Variants in P2RY6 observed in about 807,000 individuals in gnomAD.
P2RY6 encodes P2Y purinoceptor 6.
Under a neutral mutation model 16.3 loss-of-function variants are expected in P2RY6, and 19 were observed. The ratio of observed to expected loss-of-function variants is 1.16; its 90% CI spans 0.81 to 1.71. The LOEUF (loss-of-function observed/expected upper bound fraction) is 1.71, where lower values mean the gene tolerates loss of function less well. P2RY6 is among the 40% of genes most tolerant of loss of function. The pLI, the probability that P2RY6 is intolerant of heterozygous loss-of-function variation, is 0.00. For synonymous variants in P2RY6, 184 were observed against 201.5 expected (o/e 0.91, Z 0.74); for missense variants, 389 against 455.5 (o/e 0.85, Z 1.33).
chr11:73,292,566 G>A (rs550517285), intron 1 of P2RY6, among the ~76,000 whole-genome samples: 2 of 152,304 alleles, frequency 1.3e-5, no homozygotes, highest in African/African-American at 4.8e-5. Context: ...GGTTCTGTGG[G>A]GCTGGCAGCC....
chr11:73,271,180 T>A (rs975944686), upstream of P2RY6, among the ~76,000 whole-genome samples: 2 of 152,032 alleles, frequency 1.3e-5, no homozygotes, highest in Non-Finnish European at 2.9e-5. Flanking sequence ...TGGGCCCAGG[T>A]AGAGCCGCCC....
chr11:73,296,362 T>C, intron 2 of P2RY6, 123 bp from the exon 3 acceptor site: 1 of 663,800 alleles, frequency 1.5e-6, no homozygotes, highest in Non-Finnish European at 2.5e-6. Flanking sequence ...GTGGTTAGAG[T>C]AGCCGAGTTG....
chr11:73,288,099 T>C (rs543478658), intron 1 of P2RY6, among the ~76,000 whole-genome samples: 46 of 152,364 alleles, frequency 3.0e-4, no homozygotes, highest in African/African-American at 1.0e-3. Context: ...TCACCTCATC[T>C]GTAAAGTGGA....
intron 1 of P2RY6, among the ~76,000 whole-genome samples, chr11:73,293,559 G>A (rs1437131922): frequency 1.3e-5 from 2 of 152,198 alleles, no homozygotes; most frequent in African/African-American, 2.4e-5. Context: ...CCTGGAGGTG[G>A]GAGCCAAGAG....
intron 1 of P2RY6, among the ~76,000 whole-genome samples, chr11:73,285,459 C>T (rs1863932877): frequency 6.6e-6 from 1 of 152,184 alleles, no homozygotes; most frequent in Non-Finnish European, 1.5e-5. Flanking sequence ...GAGGTAGTTG[C>T]CCCTTACTTT....
intron 1 of P2RY6, among the ~76,000 whole-genome samples, chr11:73,293,650 G>T (rs1469158698): frequency 6.6e-6 from 1 of 152,234 alleles, no homozygotes; most frequent in African/African-American, 2.4e-5. Flanking sequence ...AGACAAGAGA[G>T]CCCAGGCAAT....
intron 1 of P2RY6, among the ~76,000 whole-genome samples, chr11:73,290,137 G>A (rs569126826): frequency 6.6e-6 from 1 of 152,020 alleles, no homozygotes; most frequent in Non-Finnish European, 1.5e-5. Context: ...CAGGAGAATC[G>A]CTTGAACCTG....
At chr11:73,283,227 G>A (rs537309988) in intron 1 of P2RY6, among the ~76,000 whole-genome samples, 2 of 152,252 alleles carry the variant, frequency 1.3e-5, no homozygotes, top group South Asian at 4.1e-4. Context: ...CCCAGGGGCA[G>A]TAATCTGGGG....
chr11:73,286,574 T>TTA (rs775793876), intron 1 of P2RY6, among the ~76,000 whole-genome samples: 2 of 137,408 alleles, frequency 1.5e-5, no homozygotes, highest in Non-Finnish European at 3.2e-5. Flanking sequence ...GACAAAGATT[T>TTA]AAAAAAAAAA....
chr11:73,267,539 A>T (rs78426166), upstream of P2RY6, among the ~76,000 whole-genome samples: 2,146 of 152,302 alleles, frequency 0.014, 36 homozygotes, highest in African/African-American at 0.049. Context: ...AATGGGGCTG[A>T]AGAGACCTCA....
At chr11:73,281,517 C>A (rs1404568260) in intron 1 of P2RY6, among the ~76,000 whole-genome samples, 2 of 152,238 alleles carry the variant, frequency 1.3e-5, no homozygotes, top group Non-Finnish European at 2.9e-5. Flanking sequence ...TTCTGCTCAG[C>A]CATGGCTTAC....
At chr11:73,268,581 A>G (rs186729098), upstream of P2RY6, among the ~76,000 whole-genome samples, 18 of 152,306 alleles carry the variant, frequency 1.2e-4, no homozygotes, top group Admixed American at 4.6e-4. Context: ...GTGTGTTTGC[A>G]CCACTGCACT....
rs1345317207 is a variant in P2RY6 at position 73,267,250 on chromosome 11, C to T, written c.-281+2601C>T. 2.0e-5 allele frequency among the ~76,000 whole-genome samples: 3 copies of T among 152,106 alleles called. 1 individual carries two copies. Among genetic ancestry groups the T allele is most frequent in the Admixed American group, 1.3e-4 (2 of 15,280 alleles). On this transcript the variant is annotated intron_variant, in intron 1 of 3. Coordinates refer to the P2RY6 transcript ENST00000349767. Reference sequence around the variant, plus strand: ...CTTCAGCAGAATCATGTGAGAAGCCCCAGAAAAGGTCTCCTCCCTGCCTAA... The same window carrying T: ...CTTCAGCAGAATCATGTGAGAAGCCTCAGAAAAGGTCTCCTCCCTGCCTAA...
intron 1 of P2RY6, among the ~76,000 whole-genome samples, chr11:73,291,465 A>G (rs1864243439): frequency 6.6e-6 from 1 of 152,232 alleles, no homozygotes; most frequent in Non-Finnish European, 1.5e-5. Flanking sequence ...GCCACAGCAC[A>G]GGTCAAATCC....
At chr11:73,286,706 C>G (rs1863987547) in intron 1 of P2RY6, among the ~76,000 whole-genome samples, 1 of 152,120 alleles carries the variant, frequency 6.6e-6, no homozygotes, top group Non-Finnish European at 1.5e-5. Flanking sequence ...CTCTGAGGCT[C>G]CAGAGGCAAA....
At position 73,297,033 on chromosome 11, in the gene P2RY6, G is replaced by A. The variant is rs1864526528; in HGVS notation, c.515G>A (p.Arg172His). Reference protein sequence around the residue: ...TAIFAATGIQRNRTVCYDLSP... With the variant: ...TAIFAATGIQHNRTVCYDLSP... ...ATCTTCGCTGCCACAGGCATCCAGCGTAACCGCACTGTCTGCTATGACCTC... is the reference window on the plus strand; with the variant it reads ...ATCTTCGCTGCCACAGGCATCCAGCATAACCGCACTGTCTGCTATGACCTC... Residue 172 changes from arginine to histidine, a missense_variant, in exon 3 of 3, where the codon CGT (arginine) becomes CAT (histidine). Transcript: ENST00000540124. 12 of 1,600,760 alleles carry A rather than the reference G, an allele frequency of 7.5e-6. No homozygotes were observed. Among genetic ancestry groups the A allele is most frequent in the Middle Eastern group, 1.6e-4 (1 of 6,062 alleles).
At chr11:73,294,692 C>T (rs908864141) in intron 1 of P2RY6, among the ~76,000 whole-genome samples, 2 of 152,186 alleles carry the variant, frequency 1.3e-5, no homozygotes, top group Non-Finnish European at 2.9e-5. Context: ...ATAGCTCCAC[C>T]AAAATGAAAT....
At chr11:73,271,885 G>A (rs1303527457), upstream of P2RY6, 5 of 152,184 alleles carry the variant, frequency 3.3e-5, no homozygotes, top group East Asian at 3.8e-4. Flanking sequence ...CATTAATCTC[G>A]GGGTCTCAGC....
rs958373296 is a variant in P2RY6, at chr11:73,298,525, G to A, written c.*1020G>A. The A allele has an allele frequency of 3.6e-5, 6 of 166,968 alleles. No individual in the cohort carries two copies. The highest frequency in any genetic ancestry group is 3.3e-4 in the Admixed American group (5 of 15,290). 10.3% of individuals were successfully genotyped at this position (166,968 alleles called of 1,614,324 possible). On this transcript the variant is annotated 3_prime_UTR_variant, in exon 3 of 3. Coordinates refer to ENST00000540124, the MANE Select transcript of P2RY6 (RefSeq NM_001277204.2). The stretch of plus-strand genomic sequence containing the variant: ...CATGCCTGTAATCTCAGCAATTTGG[G>A]AGGCCAAGGAAGGAGGAATGCTTGA...
Sources: allele counts gnomAD v4.1 joint callset (sites outside exome capture counted in the v4.1 genomes callset), GRCh38; gene constraint gnomAD v4.1.1; transcripts MANE v1.5; gene names NCBI Gene and HGNC (gene_info 2026-07-23, HGNC 2026-07-21).